Variants in COQ10B observed in about 807,000 individuals in gnomAD.
The protein encoded by COQ10B is coenzyme Q10B, also known as coenzyme Q-binding protein COQ10 homolog B, mitochondrial.
In COQ10B, 12 loss-of-function variants were observed where a neutral mutation model predicts 27.6. The observed-to-expected ratio is 0.43, with a 90% CI of 0.28 to 0.70. COQ10B has a LOEUF of 0.70. COQ10B is among the 30% of genes least tolerant of loss of function. The probability of loss-of-function intolerance (pLI) is 0.17; values close to 1 mark genes in which losing one functional copy is unlikely to be tolerated. For synonymous variants in COQ10B, 115 were observed against 103.0 expected (o/e 1.12, Z -0.71); for missense variants, 278 against 288.7 (o/e 0.96, Z 0.27).
At chr2:197,460,249 T>A (rs1260164698) in intron 2 of COQ10B, among the ~76,000 whole-genome samples, 168 bp downstream of exon 2, 1 of 150,854 alleles carries the variant, frequency 6.6e-6, no homozygotes, top group South Asian at 2.1e-4. Flanking sequence ...AGTCTCACAC[T>A]TGAGTGCAGT....
chr2:197,462,645 T>C lies in COQ10B; in HGVS notation c.361T>C (p.Cys121Arg). 1 of 1,603,044 alleles carries C rather than the reference T, an allele frequency of 6.2e-7. No individual in the cohort carries two copies. The change falls in exon 3 of 5, where the codon TGT becomes CGT. Residue 121 changes from cysteine to arginine, a missense_variant. By Grantham distance (180) the Cys-to-Arg change is radical. This residue lies in a region of COQ10B where 183 missense variants were observed against 158.2 expected (regional missense o/e 1.16). Coordinates refer to ENST00000263960, the MANE Select transcript of COQ10B (RefSeq NM_025147.5). Reference sequence around the variant, plus strand: ...TGTTATATCAAAGAGATCTGGATATTGTAAAACAAGATTAGAAATTGGATT... The same window carrying C: ...TGTTATATCAAAGAGATCTGGATATCGTAAAACAAGATTAGAAATTGGATT... The part of the protein sequence containing the change: ...SDVISKRSGY[C>R]KTRLEIGFPP...
intron 4 of COQ10B, among the ~76,000 whole-genome samples, chr2:197,470,692 C>T (rs945317574): frequency 2.0e-5 from 3 of 151,964 alleles, no homozygotes; most frequent in Non-Finnish European, 4.4e-5. Context: ...GTCAGGAGTT[C>T]GAGACCAGCC....
intron 1 of COQ10B, chr2:197,454,269 G>T: frequency 1.3e-6 from 1 of 795,558 alleles, no homozygotes; most frequent in Non-Finnish European, 1.9e-6. Context: ...TTTGGTAGGT[G>T]GGGGTGGAGA....
chr2:197,461,559 CTGTGTGTG>C (rs60261177), intron 2 of COQ10B, among the ~76,000 whole-genome samples: 27,141 of 139,428 alleles, frequency 0.19, 3,453 homozygotes, highest in African/African-American at 0.39. Context: ...CTGATTTAGT[CTGTGTGTG>C]TGTGTGTGTG....
intron 2 of COQ10B, 68 bp from the exon 3 acceptor site, chr2:197,462,471 T>G: frequency 1.3e-6 from 1 of 798,040 alleles, no homozygotes; most frequent in East Asian, 2.8e-5. Flanking sequence ...ACATATTCAC[T>G]TTAAAGTATG....
intron 1 of COQ10B, among the ~76,000 whole-genome samples, chr2:197,454,701 CACTT>C (rs921625947): frequency 1.3e-5 from 2 of 152,064 alleles, no homozygotes; most frequent in Admixed American, 1.3e-4. Context: ...TTGCAAATAA[CACTT>C]ACTTTTGAGA....
chr2:197,459,754 T>G (rs1326865450), intron 1 of COQ10B, among the ~76,000 whole-genome samples, 178 bp from the exon 2 acceptor site: 3 of 152,172 alleles, frequency 2.0e-5, no homozygotes, highest in Admixed American at 6.6e-5. Context: ...TTTTGTTTTT[T>G]TTTTTTACAG....
rs374885332 is a variant in COQ10B at position 197,462,535 on chromosome 2, A to G, written c.255-4A>G. The G allele has an allele frequency of 7.1e-5, 107 of 1,498,924 alleles. No individual in the cohort carries two copies. The African/African-American group carries it at 1.4e-3, about 20-fold the overall frequency. 92.9% of individuals were successfully genotyped at this position (1,498,924 alleles called of 1,614,324 possible). ...CACCTCTTTTTTATTTTTATTTTTT[A>G]AAGATATTCAATGCAGGAAATGTAT... is the stretch of plus-strand genomic sequence containing the variant. On this transcript the variant is annotated splice_region_variant and splice_polypyrimidine_tract_variant and intron_variant, in intron 2 of 4. Transcript: ENST00000263960.
At chr2:197,463,939 A>G (rs1395373477) in intron 3 of COQ10B, among the ~76,000 whole-genome samples, 1 of 15,910 alleles carries the variant, frequency 6.3e-5, no homozygotes, top group African/African-American at 2.5e-4. Flanking sequence ...TGTCTCAAAA[A>G]AAAAAAAAAA....
chr2:197,467,673 G>A lies in COQ10B; in HGVS notation c.448-2397G>A, dbSNP rs1232099072. On this transcript the variant is annotated intron_variant, in intron 3 of 4. Transcript: ENST00000263960. Reference sequence around the variant, plus strand: ...ATTACAGGCATGAGCCACCATGCCCGGCCAGGTTCTGGATTTTAATACCCA... The same window carrying A: ...ATTACAGGCATGAGCCACCATGCCCAGCCAGGTTCTGGATTTTAATACCCA... 2.6e-5 allele frequency among the ~76,000 whole-genome samples: 4 copies of A among 152,230 alleles called. No homozygotes were observed. The South Asian group carries it at 8.3e-4, about 32-fold the overall frequency.
chr2:197,461,008 C>T (rs935338790), intron 2 of COQ10B, among the ~76,000 whole-genome samples: 4 of 152,188 alleles, frequency 2.6e-5, no homozygotes, highest in African/African-American at 7.2e-5. Context: ...ACAAATGGCT[C>T]TTAATTCCTA....
At chr2:197,468,769 G>A (rs528101169) in intron 3 of COQ10B, among the ~76,000 whole-genome samples, 2 of 152,176 alleles carry the variant, frequency 1.3e-5, no homozygotes, top group African/African-American at 4.8e-5. Flanking sequence ...ACCAGCCTGG[G>A]CAACTTAGGG....
chr2:197,473,550 G>T (rs1574589022), intron 4 of COQ10B, among the ~76,000 whole-genome samples: 1 of 144,432 alleles, frequency 6.9e-6, no homozygotes, highest in African/African-American at 2.6e-5. Context: ...GCCACATGTG[G>T]TGGCATATGC....
At chr2:197,462,476 A>G (rs1016735542) in intron 2 of COQ10B, 63 bp from the exon 3 acceptor site, 23 of 811,910 alleles carry the variant, frequency 2.8e-5, no homozygotes, top group Non-Finnish European at 4.3e-5. Context: ...TTCACTTTAA[A>G]GTATGCATAT....
intron 1 of COQ10B, 29 bp downstream of exon 1, chr2:197,453,693 G>C (rs1289100511): frequency 1.3e-6 from 2 of 1,586,378 alleles, no homozygotes; most frequent in Non-Finnish European, 1.7e-6. Flanking sequence ...GCTGAGACGA[G>C]AGTAGTTTTC....
In COQ10B at chr2:197,474,617, C is replaced by T. The variant is rs1300270963; in HGVS notation, c.*693C>T. On this transcript the variant is annotated 3_prime_UTR_variant, in exon 5 of 5. Transcript: ENST00000263960. ...ACAAGAATCGCTTGAACCCGGGAGG[C>T]GGAGGTTGCAGTTAGCCAAGATCGC... is the stretch of plus-strand genomic sequence containing the variant. The T allele has an allele frequency of 6.6e-6, 1 of 152,232 alleles. No individual in the cohort carries two copies. The highest frequency in any genetic ancestry group is 2.1e-4 in the South Asian group (1 of 4,834). 9.4% of individuals were successfully genotyped at this position (152,232 alleles called of 1,614,324 possible). A position where few individuals can be genotyped will look rare whatever the true frequency, so the allele number is the denominator to read the frequency against.
At chr2:197,454,159 A>G in intron 1 of COQ10B, 1 of 1,538,168 alleles carries the variant, frequency 6.5e-7, no homozygotes, top group South Asian at 1.2e-5. Context: ...AACTAAATAC[A>G]GCCAGCATAA....
intron 1 of COQ10B, among the ~76,000 whole-genome samples, chr2:197,454,613 A>T (rs1459758782): frequency 6.6e-6 from 1 of 152,150 alleles, no homozygotes; most frequent in African/African-American, 2.4e-5. Flanking sequence ...TTTAGGAAAT[A>T]ACCTCAAAAA....
At chr2:197,460,204 C>CTT in intron 2 of COQ10B, 123 bp downstream of exon 2, 2 of 595,956 alleles carry the variant, frequency 3.4e-6, no homozygotes. Context: ...CTAGGTTGGC[C>CTT]TTTTTCTTTT....
Sources: allele counts gnomAD v4.1 joint callset (sites outside exome capture counted in the v4.1 genomes callset), GRCh38; gene constraint gnomAD v4.1.1; regional missense constraint gnomAD v4.1.1; transcripts MANE v1.5; gene names NCBI Gene and HGNC (gene_info 2026-07-23, HGNC 2026-07-21).